Variants in NOL10 observed in about 807,000 individuals in gnomAD.
NOL10 encodes the protein nucleolar protein 10, also known as H_NH0074G24.1.
A neutral mutation model predicts 103.5 loss-of-function variants in NOL10; 58 were observed. The ratio of observed to expected loss-of-function variants is 0.56; its 90% CI spans 0.45 to 0.70. NOL10 has a LOEUF of 0.70. Among genes scored for constraint, NOL10 ranks in the 30% least tolerant of loss-of-function variants. The pLI is 0.00. For missense variants in NOL10, 763 were observed against 807.3 expected (o/e 0.95, Z 0.67); for synonymous variants, 287 against 282.5 (o/e 1.02, Z -0.16).
chr2:10,634,429 G>A (rs1203335583), intron 13 of NOL10: 2 of 450,898 alleles, frequency 4.4e-6, no homozygotes. Context: ...ACCCTGGCAG[G>A]TGGGGTGCAG....
chr2:10,600,220 T>A (rs930130061), intron 17 of NOL10, among the ~76,000 whole-genome samples: 1 of 152,132 alleles, frequency 6.6e-6, no homozygotes, highest in Non-Finnish European at 1.5e-5. Flanking sequence ...CTGAAAACAC[T>A]AGAAAAATCT....
intron 17 of NOL10, among the ~76,000 whole-genome samples, chr2:10,599,764 A>C (rs2148181851): frequency 6.6e-6 from 1 of 152,298 alleles, no homozygotes; most frequent in South Asian, 2.1e-4. Context: ...ATCCATTTGG[A>C]AAGCACAGCT....
chr2:10,610,387 T>G (rs986143691), intron 13 of NOL10, among the ~76,000 whole-genome samples: 2 of 152,230 alleles, frequency 1.3e-5, no homozygotes, highest in Admixed American at 6.5e-5. Context: ...AAATTGCCTG[T>G]CAGGGGACAG....
At chr2:10,638,615 C>A (rs2148267255) in intron 13 of NOL10, among the ~76,000 whole-genome samples, 2 of 149,352 alleles carry the variant, frequency 1.3e-5, no homozygotes, top group African/African-American at 4.9e-5. Flanking sequence ...CCTCAGCCTC[C>A]CAAGTAGCTG....
At chr2:10,611,521 C>T (rs886521265) in intron 13 of NOL10, among the ~76,000 whole-genome samples, 42 of 152,236 alleles carry the variant, frequency 2.8e-4, no homozygotes, top group African/African-American at 9.2e-4. Flanking sequence ...CAATGGCTCA[C>T]GCCTAATCTC....
chr2:10,631,468 C>T (rs1335622551), intron 13 of NOL10, among the ~76,000 whole-genome samples: 2 of 152,142 alleles, frequency 1.3e-5, no homozygotes, highest in Non-Finnish European at 2.9e-5. Context: ...CCCTTGCTTT[C>T]ATATTCTCCT....
chr2:10,651,226 T>C (rs934285179), intron 12 of NOL10, among the ~76,000 whole-genome samples: 2 of 152,068 alleles, frequency 1.3e-5, no homozygotes, highest in East Asian at 3.9e-4. Context: ...TTCTATATCC[T>C]TGGTTACAAT....
chr2:10,603,202 C>A, intron 14 of NOL10, 45 bp from the exon 15 acceptor site: 2 of 1,373,782 alleles, frequency 1.5e-6, no homozygotes, highest in Non-Finnish European at 2.0e-6. Flanking sequence ...ATGCAATCTT[C>A]ATTAACATTC....
rs141358386 is a variant in NOL10, at chr2:10,588,984, G to C, written c.1844+59C>G. On this transcript the variant is annotated intron_variant, in intron 19 of 20. Coordinates refer to ENST00000381685, the MANE Select transcript of NOL10 (RefSeq NM_024894.4). ...ATGTCATCTTTAGGGCAATGTGCCAGAGAGGAAAAGCAAGGGCTTGGTTAC... is the reference window on the plus strand; with the variant it reads ...ATGTCATCTTTAGGGCAATGTGCCACAGAGGAAAAGCAAGGGCTTGGTTAC... 3.7e-4 allele frequency: 591 copies of C among 1,590,824 alleles called. 2 individuals are homozygous for C. In the African/African-American group the frequency reaches 7.3e-3, roughly 20 times the overall value.
chr2:10,637,837 G>GTT (rs1678369137), intron 13 of NOL10, among the ~76,000 whole-genome samples: 1 of 152,138 alleles, frequency 6.6e-6, no homozygotes, highest in African/African-American at 2.4e-5. Flanking sequence ...GGTTCTTCAT[G>GTT]TTTTTAACCG....
At chr2:10,677,806 G>C (rs930688359) in intron 3 of NOL10, among the ~76,000 whole-genome samples, 3 of 151,596 alleles carry the variant, frequency 2.0e-5, no homozygotes, top group Admixed American at 6.6e-5. Context: ...GTAAATATGA[G>C]CCCACTGTCG....
chr2:10,656,587 A>C (rs1343124279), intron 11 of NOL10, among the ~76,000 whole-genome samples: 2 of 152,204 alleles, frequency 1.3e-5, no homozygotes, highest in Non-Finnish European at 1.5e-5. Flanking sequence ...AAATTTAAAA[A>C]ACCAAAGTAA....
intron 19 of NOL10, among the ~76,000 whole-genome samples, chr2:10,578,042 G>A (rs1674549079): frequency 6.6e-6 from 1 of 152,084 alleles, no homozygotes; most frequent in African/African-American, 2.4e-5. Flanking sequence ...TATTTCTGAA[G>A]ACCAAATGCA....
chr2:10,652,542 A>G (rs913661385), intron 12 of NOL10, among the ~76,000 whole-genome samples: 2 of 152,158 alleles, frequency 1.3e-5, no homozygotes, highest in African/African-American at 2.4e-5. Flanking sequence ...TTCCTGCCCC[A>G]ACTTCTGTAA....
chr2:10,650,818 T>C lies in NOL10; in HGVS notation c.973+3663A>G, dbSNP rs1679409389. 2.0e-5 allele frequency among the ~76,000 whole-genome samples: 3 copies of C among 152,262 alleles called. No individual in the cohort carries two copies. In the South Asian group the frequency reaches 6.2e-4, roughly 32 times the overall value. Reference sequence around the variant, plus strand: ...AAATCAGCATTCCAGAGATGCGTAGTTGAATTATCAGCACCCTCTCAATCC... The same window carrying C: ...AAATCAGCATTCCAGAGATGCGTAGCTGAATTATCAGCACCCTCTCAATCC... On this transcript the variant is annotated intron_variant, in intron 12 of 20. Coordinates refer to ENST00000381685, the MANE Select transcript of NOL10 (RefSeq NM_024894.4).
chr2:10,621,499 T>C (rs1187183686), intron 13 of NOL10, among the ~76,000 whole-genome samples: 4 of 152,082 alleles, frequency 2.6e-5, no homozygotes, highest in East Asian at 3.9e-4. Flanking sequence ...GAGACTGAGG[T>C]TGGGGAATCA....
chr2:10,671,866 C>T (rs1680968120), intron 5 of NOL10, among the ~76,000 whole-genome samples, 176 bp from the exon 6 acceptor site: 1 of 152,130 alleles, frequency 6.6e-6, no homozygotes, highest in African/African-American at 2.4e-5. Flanking sequence ...AACACTCCAT[C>T]GGCTCCTTAA....
chr2:10,603,058 A>G lies in NOL10; in HGVS notation c.1233+20T>C. On this transcript the variant is annotated intron_variant, in intron 15 of 20. Coordinates refer to ENST00000381685, the MANE Select transcript of NOL10 (RefSeq NM_024894.4). Reference sequence around the variant, plus strand: ...GCGCATTAGTTACCTGAAACATAATAACTGTAGTTTTCTGTTTACCTTGTG... The same window carrying G: ...GCGCATTAGTTACCTGAAACATAATGACTGTAGTTTTCTGTTTACCTTGTG... The G allele has an allele frequency of 6.4e-7, 1 of 1,571,830 alleles. No individual in the cohort carries two copies. The highest frequency in any genetic ancestry group is 8.7e-7 in the Non-Finnish European group (1 of 1,149,068).
chr2:10,592,673 T>C (rs10929685), intron 17 of NOL10, among the ~76,000 whole-genome samples: 52,310 of 152,138 alleles, frequency 0.34, 9,425 homozygotes, highest in Non-Finnish European at 0.4. Flanking sequence ...TCATATTTAA[T>C]AAATAGAGAA....
Sources: allele counts gnomAD v4.1 joint callset (sites outside exome capture counted in the v4.1 genomes callset), GRCh38; gene constraint gnomAD v4.1.1; transcripts MANE v1.5; gene names NCBI Gene and HGNC (gene_info 2026-07-23, HGNC 2026-07-21).